Variants in POC5 observed in about 807,000 individuals in gnomAD.
The protein encoded by POC5 is centrosomal protein POC5.
A neutral mutation model predicts 62.9 loss-of-function variants in POC5; 48 were observed. The ratio of observed to expected loss-of-function variants is 0.76; its 90% CI spans 0.61 to 0.97. The LOEUF (loss-of-function observed/expected upper bound fraction) is 0.97, where lower values mean the gene tolerates loss of function less well. POC5 is among the 50% of genes least tolerant of loss of function. The pLI is 0.00. For synonymous variants in POC5, 236 were observed against 228.2 expected (o/e 1.03, Z -0.31); for missense variants, 696 against 679.5 (o/e 1.02, Z -0.27).
intron 9 of POC5, 69 bp downstream of exon 9, chr5:75,688,943 T>C (rs1776203637): frequency 1.4e-6 from 2 of 1,417,666 alleles, no homozygotes; most frequent in Admixed American, 2.6e-5. Flanking sequence ...CTGTAGACCA[T>C]ACCAATCACC....
intron 10 of POC5, among the ~76,000 whole-genome samples, chr5:75,682,196 G>A (rs1206662350): frequency 7.2e-5 from 5 of 69,918 alleles, no homozygotes; most frequent in Admixed American, 1.5e-4. Context: ...CACTATCTCC[G>A]ATGACCAGAT....
intron 5 of POC5, among the ~76,000 whole-genome samples, chr5:75,699,542 A>T (rs1166189049): frequency 7.3e-6 from 1 of 137,294 alleles, no homozygotes; most frequent in African/African-American, 2.6e-5. Flanking sequence ...ATCTCTCAAT[A>T]AATTAGGTAT....
Position 75,707,822 on chromosome 5 carries a change from G to C in POC5, c.138C>G (p.Pro46=). The change falls in exon 3 of 12, where the codon CCC becomes CCG. Residue 46 remains proline (P), a synonymous_variant. Transcript: ENST00000428202. ...TAGGATGAGATGACTGTGAAGCACAGGGTTCAATATTTGGAGTCACTATAG... is the reference window on the plus strand; with the variant it reads ...TAGGATGAGATGACTGTGAAGCACACGGTTCAATATTTGGAGTCACTATAG... ...HYAIVTPNIE[P]CASQSSHPKG... The C allele has an allele frequency of 1.3e-6, 2 of 1,587,946 alleles. No homozygotes were observed. Among genetic ancestry groups the C allele is most frequent in the Non-Finnish European group, 1.7e-6 (2 of 1,163,788 alleles).
At chr5:75,685,851 T>G (rs979787738) in intron 9 of POC5, among the ~76,000 whole-genome samples, 1 of 152,206 alleles carries the variant, frequency 6.6e-6, no homozygotes, top group African/African-American at 2.4e-5. Flanking sequence ...TTCCTTTGTA[T>G]TAGTTCATAC....
intron 3 of POC5, among the ~76,000 whole-genome samples, chr5:75,706,148 A>G (rs953541819): frequency 2.6e-5 from 4 of 152,212 alleles, no homozygotes; most frequent in African/African-American, 7.2e-5. Context: ...GCTTTTCACT[A>G]GCCACAATCA....
Position 75,692,518 on chromosome 5 carries a change from C to T in POC5, c.691-18G>A, listed in dbSNP as rs375234317. The T allele has an allele frequency of 3.3e-6, 5 of 1,521,526 alleles. No homozygotes were observed. The African/African-American group carries it at 5.6e-5, about 17-fold the overall frequency. 94.3% of individuals were successfully genotyped at this position (1,521,526 alleles called of 1,614,324 possible). ...GAAATCACCTGTAAACAGCAATTAA[C>T]CCAATTATTGTGATATTAAAATAAC... On this transcript the variant is annotated intron_variant, in intron 6 of 11. Coordinates refer to ENST00000428202, the MANE Select transcript of POC5 (RefSeq NM_001099271.2).
intron 10 of POC5, among the ~76,000 whole-genome samples, 197 bp downstream of exon 10, chr5:75,685,010 G>A (rs1322628447): frequency 6.6e-6 from 1 of 151,976 alleles, no homozygotes; most frequent in Non-Finnish European, 1.5e-5. Context: ...TGGGACTACA[G>A]GCGGCTGCCA....
In POC5 at chr5:75,694,738, G is replaced by A. The variant is rs1776486329; in HGVS notation, c.607C>T (p.His203Tyr). Residue 203 changes from histidine to tyrosine, a missense_variant, in exon 6 of 12, where the codon CAT becomes TAT. His to Tyr is a moderately conservative substitution (Grantham distance 83, BLOSUM62 2). Transcript: ENST00000428202. ...MRKEKEKHAA[H>Y]LKQLCNQINE... ...ATCTGATTACACAGTTGTTTTAAAT[G>A]TGCTGCATGTTTTTCTTTCTCTTTT... 1.2e-6 allele frequency: 2 copies of A among 1,601,318 alleles called. No homozygotes were observed. Among genetic ancestry groups the A allele is most frequent in the Non-Finnish European group, 1.7e-6 (2 of 1,170,274 alleles).
At chr5:75,706,803 A>G (rs964409928) in intron 3 of POC5, among the ~76,000 whole-genome samples, 2 of 152,158 alleles carry the variant, frequency 1.3e-5, no homozygotes, top group African/African-American at 2.4e-5. Flanking sequence ...CTCCTGCCTC[A>G]GCCTCTGAAA....
Position 75,692,129 on chromosome 5 carries a change from G to A in POC5, c.795+267C>T, listed in dbSNP as rs1580016804. Among the ~76,000 whole-genome samples the A allele has an allele frequency of 2.0e-5, 3 of 151,970 alleles. No individual in the cohort carries two copies. The South Asian group carries it at 6.2e-4, about 32-fold the overall frequency. ...ACATCTGAGGGGGTTCTATTACCAG[G>A]GCCTTTACAATTTAGGAACAATCCT... On this transcript the variant is annotated intron_variant, in intron 7 of 11. Transcript: ENST00000428202.
At chr5:75,675,600 A>C (rs1344428226) in intron 11 of POC5, among the ~76,000 whole-genome samples, 1 of 152,228 alleles carries the variant, frequency 6.6e-6, no homozygotes, top group Non-Finnish European at 1.5e-5. Flanking sequence ...TCTTTTCTTA[A>C]AGTATCTTAT....
chr5:75,699,375 C>T (rs1474774746), intron 5 of POC5, among the ~76,000 whole-genome samples: 2 of 152,050 alleles, frequency 1.3e-5, no homozygotes, highest in African/African-American at 4.8e-5. Context: ...CCACCATGAT[C>T]AAGTGGGCTT....
chr5:75,701,140 A>C (rs1264894372), intron 5 of POC5, among the ~76,000 whole-genome samples: 6 of 134,182 alleles, frequency 4.5e-5, no homozygotes, highest in East Asian at 2.1e-4. Context: ...AACTAGTTCA[A>C]CCATTGTGGA....
At chr5:75,691,317 G>C (rs1776324464) in intron 7 of POC5, among the ~76,000 whole-genome samples, 1 of 152,104 alleles carries the variant, frequency 6.6e-6, no homozygotes, top group African/African-American at 2.4e-5. Flanking sequence ...AATCCAGAAA[G>C]TATTCTTAAA....
intron 10 of POC5, among the ~76,000 whole-genome samples, chr5:75,683,426 G>T (rs1328951440): frequency 1.3e-5 from 2 of 151,836 alleles, no homozygotes; most frequent in Non-Finnish European, 2.9e-5. Flanking sequence ...GTAGAGACAG[G>T]ATTTCACCAT....
intron 6 of POC5, among the ~76,000 whole-genome samples, chr5:75,694,176 G>A (rs562691360): frequency 1.3e-5 from 2 of 152,020 alleles, no homozygotes; most frequent in Non-Finnish European, 2.9e-5. Flanking sequence ...GCAAGACCCT[G>A]TTTCAAAAAG....
intron 10 of POC5, among the ~76,000 whole-genome samples, chr5:75,678,265 C>T (rs145249280): frequency 2.5e-3 from 380 of 152,100 alleles, no homozygotes; most frequent in African/African-American, 8.4e-3. Flanking sequence ...GCTCTTCACC[C>T]AGTTTCCTGC....
Position 75,692,433 on chromosome 5 carries a change from A to G in POC5, c.758T>C (p.Phe253Ser). ...KEKIELMRTF[F>S]HWRIGHVRAR... ...TCTGACATGGCCGATTCGCCAGTGG[A>G]AGAATGTTCTCATCAACTCTATCTT... The change falls in exon 7 of 12, where the codon TTC (phenylalanine) becomes TCC (serine). Residue 253 changes from phenylalanine to serine, a missense_variant. Transcript: ENST00000428202. 1 of 1,595,330 alleles carries G rather than the reference A, an allele frequency of 6.3e-7. No individual in the cohort carries two copies. The highest frequency in any genetic ancestry group is 8.5e-7 in the Non-Finnish European group (1 of 1,170,262).
intron 6 of POC5, among the ~76,000 whole-genome samples, chr5:75,693,149 TTATACA>T (rs1434281408): frequency 1.4e-5 from 2 of 146,158 alleles, no homozygotes; most frequent in Admixed American, 7.0e-5. Flanking sequence ...ATAATTAATG[TTATACA>T]TATAACATAT....
Sources: gnomAD v4.1 joint callset for allele counts (sites outside exome capture counted in the v4.1 genomes callset) on GRCh38, gnomAD v4.1.1 for gene constraint, MANE v1.5 for transcripts, NCBI Gene and HGNC (gene_info 2026-07-23, HGNC 2026-07-21) for gene names.